CCDC149: variants seen among roughly 807,000 people sequenced by gnomAD.
The protein encoded by CCDC149 is coiled-coil domain-containing protein 149.
A neutral mutation model predicts 59.9 loss-of-function variants in CCDC149; 45 were observed. The observed-to-expected ratio is 0.75, with a 90% CI of 0.59 to 0.96. The LOEUF (loss-of-function observed/expected upper bound fraction) is 0.96, where lower values mean the gene tolerates loss of function less well. CCDC149 is among the 40% of genes least tolerant of loss of function. The pLI is 0.00. For synonymous variants in CCDC149, 245 were observed against 260.6 expected, an observed-to-expected ratio of 0.94 and a Z score of 0.58; for missense variants, 584 against 664.7, an observed-to-expected ratio of 0.88 and a Z score of 1.33.
chr4:24,820,062 C>T, intron 11 of CCDC149, 87 bp from the exon 12 acceptor site: 1 of 920,294 alleles, frequency 1.1e-6, no homozygotes, highest in Non-Finnish European at 1.7e-6. Context: ...CGGCACAGGG[C>T]TGGCTACCCA....
chr4:24,804,766 G>A (rs1289617228), downstream of CCDC149, among the ~76,000 whole-genome samples: 3 of 152,184 alleles, frequency 2.0e-5, no homozygotes, highest in Admixed American at 2.0e-4. Flanking sequence ...ACTCCAACAT[G>A]TGAATAATTG....
At chr4:24,922,718 G>A (rs975163536) in intron 1 of CCDC149, among the ~76,000 whole-genome samples, 1 of 152,124 alleles carries the variant, frequency 6.6e-6, no homozygotes, top group Non-Finnish European at 1.5e-5. Flanking sequence ...TCCCCAGTGA[G>A]TGCTATAGGA....
At chr4:24,926,796 C>T (rs191690088) in intron 1 of CCDC149, among the ~76,000 whole-genome samples, 3 of 152,298 alleles carry the variant, frequency 2.0e-5, no homozygotes, top group East Asian at 1.9e-4. Flanking sequence ...GACTGTGGAT[C>T]GTCTGAAGGT....
chr4:24,914,361 G>A (rs1722054863), upstream of CCDC149, among the ~76,000 whole-genome samples: 1 of 128,814 alleles, frequency 7.8e-6, no homozygotes, highest in Non-Finnish European at 1.6e-5. Flanking sequence ...TTTGACCAAA[G>A]CAACGTTTGT....
chr4:24,864,208 C>T (rs987045924), intron 3 of CCDC149, among the ~76,000 whole-genome samples: 1 of 152,128 alleles, frequency 6.6e-6, no homozygotes, highest in African/African-American at 2.4e-5. Flanking sequence ...AATGAAAATC[C>T]ACCAAGTTAG....
chr4:24,866,405 C>T (rs1718694273), intron 3 of CCDC149, among the ~76,000 whole-genome samples: 1 of 152,084 alleles, frequency 6.6e-6, no homozygotes, highest in African/African-American at 2.4e-5. Flanking sequence ...TCAAAGAATC[C>T]CATCTTATAA....
At chr4:24,933,541 T>C (rs2109343524) in intron 1 of CCDC149, among the ~76,000 whole-genome samples, 1 of 152,316 alleles carries the variant, frequency 6.6e-6, no homozygotes, top group Middle Eastern at 3.4e-3. Flanking sequence ...TAGTATTTAT[T>C]TTATTCAAGA....
At chr4:24,925,549 C>T (rs1379875391) in intron 1 of CCDC149, among the ~76,000 whole-genome samples, 1 of 152,162 alleles carries the variant, frequency 6.6e-6, no homozygotes, top group Admixed American at 6.6e-5. Flanking sequence ...GCATAATCAA[C>T]TTTATAGACA....
intron 12 of CCDC149, among the ~76,000 whole-genome samples, chr4:24,813,518 ATATATAT>A (rs1560197696): frequency 3.6e-5 from 5 of 137,444 alleles, no homozygotes; most frequent in African/African-American, 1.2e-4. Context: ...ATATATATAT[ATATATAT>A]ATAAAACCTA....
At chr4:24,886,340 A>T (rs3857118) in intron 1 of CCDC149, among the ~76,000 whole-genome samples, 27,637 of 152,178 alleles carry the variant, frequency 0.18, 2,621 homozygotes, top group Non-Finnish European at 0.22. Flanking sequence ...TCAGAGGCTG[A>T]CAAATGGGAT....
At chr4:24,929,104 G>A (rs1011107974) in intron 1 of CCDC149, among the ~76,000 whole-genome samples, 3 of 152,152 alleles carry the variant, frequency 2.0e-5, no homozygotes, top group Non-Finnish European at 2.9e-5. Flanking sequence ...CTACACCAGG[G>A]TTTTGCCATC....
intron 1 of CCDC149, among the ~76,000 whole-genome samples, chr4:24,961,769 GA>G (rs1723641101): frequency 6.6e-6 from 1 of 152,168 alleles, no homozygotes; most frequent in Non-Finnish European, 1.5e-5. Flanking sequence ...GTAGAAAGCT[GA>G]AACTGGATCC....
chr4:24,898,977 C>T (rs1235786210), intron 1 of CCDC149, among the ~76,000 whole-genome samples: 2 of 152,106 alleles, frequency 1.3e-5, no homozygotes, highest in Non-Finnish European at 2.9e-5. Flanking sequence ...GTGGGAAGGG[C>T]CCTTGGAGGC....
chr4:24,852,607 A>G (rs983598590), intron 4 of CCDC149, among the ~76,000 whole-genome samples: 5 of 152,220 alleles, frequency 3.3e-5, no homozygotes, highest in Non-Finnish European at 7.3e-5. Context: ...GTGGATTTTG[A>G]GCAATGTTCC....
chr4:24,962,477 C>G (rs928168687), intron 1 of CCDC149, among the ~76,000 whole-genome samples: 1 of 152,126 alleles, frequency 6.6e-6, no homozygotes, highest in East Asian at 1.9e-4. Context: ...ACCCAAAGGA[C>G]TATACCCAGC....
At position 24,952,630 on chromosome 4, in the gene CCDC149, T is replaced by A. The variant is rs1269971356; in HGVS notation, c.-65+27439A>T. Among the ~76,000 whole-genome samples the A allele has an allele frequency of 5.1e-3, 56 of 10,988 alleles. 1 individual carries two copies. Among genetic ancestry groups the A allele is most frequent in the Admixed American group, 8.3e-3 (5 of 602 alleles). 7.2% of individuals were successfully genotyped at this position (10,988 alleles called of 152,430 possible). A position where few individuals can be genotyped will look rare whatever the true frequency, so the allele number is the denominator to read the frequency against. ...AAAAAAAAAAAAAAAAAAAAAAATA[T>A]ATATATATATATATATATATATATA... On this transcript the variant is annotated intron_variant, in intron 1 of 12. Coordinates refer to the CCDC149 transcript ENST00000389609.
chr4:24,970,910 G>A (rs1478873746), intron 1 of CCDC149, among the ~76,000 whole-genome samples: 1 of 152,138 alleles, frequency 6.6e-6, no homozygotes, highest in Non-Finnish European at 1.5e-5. Flanking sequence ...ACAAGTTACT[G>A]CTCTTGCAGA....
Position 24,876,606 on chromosome 4 carries a change from T to C in CCDC149, c.155A>G (p.Gln52Arg). 12 of 1,614,206 alleles carry C rather than the reference T, an allele frequency of 7.4e-6. No individual in the cohort carries two copies. Among genetic ancestry groups the C allele is most frequent in the Non-Finnish European group, 8.5e-6 (10 of 1,180,024 alleles). Residue 52 changes from glutamine (Q) to arginine (R), a missense_variant, in exon 2 of 13, where the codon CAG becomes CGG. Coordinates refer to ENST00000635206, the MANE Select transcript of CCDC149 (RefSeq NM_001330643.2). Reference sequence around the variant, plus strand: ...GAGCTGATTGGCCATGAGTTTGTACTGGTCCCTTTCCTGTTGACAGGTGTC... The same window carrying C: ...GAGCTGATTGGCCATGAGTTTGTACCGGTCCCTTTCCTGTTGACAGGTGTC...
At chr4:24,963,721 A>G (rs1560271173) in intron 1 of CCDC149, among the ~76,000 whole-genome samples, 1 of 152,270 alleles carries the variant, frequency 6.6e-6, no homozygotes, top group Non-Finnish European at 1.5e-5. Context: ...AATAAAAGAC[A>G]ATAGATACCA....
Sources: allele counts gnomAD v4.1 joint callset (sites outside exome capture counted in the v4.1 genomes callset), GRCh38; gene constraint gnomAD v4.1.1; transcripts MANE v1.5; gene names NCBI Gene and HGNC (gene_info 2026-07-23, HGNC 2026-07-21).